The following MAP4K5 variants were observed in gnomAD, a reference collection of about 807,000 sequenced individuals.
MAP4K5 encodes the protein MAPK/ERK kinase kinase kinase 5.
MAP4K5 carries 82 observed loss-of-function variants against 135.6 expected under a neutral mutation model. That is an observed-to-expected ratio of 0.60 (90% CI 0.51 to 0.73). MAP4K5 has a LOEUF of 0.73. Ranked by LOEUF, MAP4K5 falls within the 30% of genes least tolerant of loss-of-function variation. The pLI is 0.00. For missense variants in MAP4K5, 907 were observed against 1,010.9 expected (o/e 0.90, Z 1.39); for synonymous variants, 347 against 335.0 (o/e 1.04, Z -0.39).
rs577309371 is a variant in MAP4K5 at position 50,451,133 on chromosome 14, C to G, written c.1016-2301G>C. On this transcript the variant is annotated intron_variant, in intron 14 of 32. Transcript: ENST00000682126. ...ATATACAGGTATAGTACATATATGA[C>G]TGAAAGTCTAGATCCAAAAAATGCT... Among the ~76,000 whole-genome samples, 12 of 152,096 alleles carry G rather than the reference C, an allele frequency of 7.9e-5. No homozygotes were observed. The East Asian group carries it at 1.4e-3, about 17-fold the overall frequency.
chr14:50,440,546 C>T (rs2036204115), intron 21 of MAP4K5, 105 bp from the exon 22 acceptor site: 1 of 577,816 alleles, frequency 1.7e-6, no homozygotes, highest in Non-Finnish European at 3.1e-6. Flanking sequence ...AGCCACCTAT[C>T]CATCTAAAAT....
chr14:50,549,048 C>T (rs1233205853), intron 1 of MAP4K5, among the ~76,000 whole-genome samples: 1 of 152,170 alleles, frequency 6.6e-6, no homozygotes, highest in African/African-American at 2.4e-5. Flanking sequence ...AAGGGGTGCC[C>T]TGTGTACTAG....
At chr14:50,471,870 A>C (rs1566662839) in intron 9 of MAP4K5, 1 of 152,266 alleles carries the variant, frequency 6.6e-6, no homozygotes, top group Non-Finnish European at 1.5e-5. Context: ...GCTCCATGTG[A>C]AGACATGAAA....
intron 6 of MAP4K5, among the ~76,000 whole-genome samples, chr14:50,478,287 T>G (rs1226407541): frequency 6.6e-6 from 1 of 151,988 alleles, no homozygotes; most frequent in Non-Finnish European, 1.5e-5. Context: ...TTTCTTCTCT[T>G]TTTACTTTTT....
intron 1 of MAP4K5, among the ~76,000 whole-genome samples, chr14:50,560,706 T>A (rs988633715): frequency 2.0e-5 from 3 of 152,104 alleles, no homozygotes; most frequent in African/African-American, 7.2e-5. Flanking sequence ...GTCGGGGATC[T>A]AGAGCAGGCC....
intron 1 of MAP4K5, among the ~76,000 whole-genome samples, chr14:50,548,773 G>A (rs1308411199): frequency 2.0e-5 from 3 of 152,236 alleles, no homozygotes; most frequent in Non-Finnish European, 2.9e-5. Flanking sequence ...GCCTCCCAAA[G>A]TACTGGGATT....
chr14:50,544,483 A>C (rs1252414966), intron 1 of MAP4K5, among the ~76,000 whole-genome samples: 4 of 152,214 alleles, frequency 2.6e-5, no homozygotes, highest in Non-Finnish European at 5.9e-5. Context: ...CACAGGAGGA[A>C]AAGTCTGCTG....
intron 3 of MAP4K5, among the ~76,000 whole-genome samples, chr14:50,495,216 G>A (rs1388560322): frequency 6.6e-6 from 1 of 152,004 alleles, no homozygotes; most frequent in Non-Finnish European, 1.5e-5. Flanking sequence ...GAACTCCTAC[G>A]ACTCACAAGA....
At chr14:50,464,206 T>G in intron 11 of MAP4K5, 73 bp from the exon 12 acceptor site, 1 of 729,392 alleles carries the variant, frequency 1.4e-6, no homozygotes, top group South Asian at 1.7e-5. Context: ...AACATTAACT[T>G]AGGAACAGTT....
chr14:50,492,794 C>T (rs1186755500), intron 3 of MAP4K5, among the ~76,000 whole-genome samples: 1 of 151,984 alleles, frequency 6.6e-6, no homozygotes, highest in African/African-American at 2.4e-5. Flanking sequence ...ATTTCTTAAA[C>T]TAAAAATAAT....
At chr14:50,489,216 C>T (rs1472204492) in intron 3 of MAP4K5, among the ~76,000 whole-genome samples, 2 of 152,138 alleles carry the variant, frequency 1.3e-5, no homozygotes, top group Non-Finnish European at 2.9e-5. Context: ...GGCATGGTGG[C>T]ATGCACCTGT....
chr14:50,422,570 C>T (rs1452218907), intron 32 of MAP4K5, among the ~76,000 whole-genome samples: 2 of 149,592 alleles, frequency 1.3e-5, no homozygotes, highest in Non-Finnish European at 3.0e-5. Flanking sequence ...AGAGTGAGAC[C>T]GTCTTAAAAA....
intron 14 of MAP4K5, 88 bp downstream of exon 14, chr14:50,456,428 C>T: frequency 9.8e-7 from 1 of 1,018,640 alleles, no homozygotes; most frequent in South Asian, 1.4e-5. Context: ...TAGCCTTAGT[C>T]TGAAATTTTA....
At chr14:50,471,886 CAT>C (rs1219317641) in intron 9 of MAP4K5, 2 of 152,216 alleles carry the variant, frequency 1.3e-5, no homozygotes, top group Non-Finnish European at 2.9e-5. Context: ...TGAAAGAACA[CAT>C]AGAGAGAAAT....
At chr14:50,476,651 G>A (rs568204722) in intron 6 of MAP4K5, among the ~76,000 whole-genome samples, 4 of 152,050 alleles carry the variant, frequency 2.6e-5, no homozygotes, top group Non-Finnish European at 5.9e-5. Flanking sequence ...TAGTAGAGAC[G>A]GGGTTTCACC....
chr14:50,476,268 T>C lies in MAP4K5; in HGVS notation c.417A>G (p.Arg139=). Residue 139 remains arginine, a synonymous_variant, in exon 7 of 33, where the codon AGA becomes AGG. Coordinates refer to ENST00000682126, the MANE Select transcript of MAP4K5 (RefSeq NM_006575.6). ...AYLHTKGKMH[R]DIKGANILLT... is the part of the protein sequence containing the mutation. The stretch of plus-strand genomic sequence containing the variant: ...TATTAAATGAACTTACTTTGATATC[T>C]CTATGCATTTTGCCTTTAGTATGCA... 1 of 1,496,472 alleles carries C rather than the reference T, an allele frequency of 6.7e-7. No homozygotes were observed. Among genetic ancestry groups the C allele is most frequent in the Non-Finnish European group, 8.9e-7 (1 of 1,117,376 alleles). The allele number at this position is 1,496,472 out of a possible 1,614,324, so 92.7% of individuals were successfully genotyped here.
At chr14:50,453,388 A>G (rs536546435) in intron 14 of MAP4K5, among the ~76,000 whole-genome samples, 8 of 152,284 alleles carry the variant, frequency 5.3e-5, no homozygotes, top group South Asian at 4.1e-4. Context: ...ACAGACACAA[A>G]TCCAAATGCA....
intron 6 of MAP4K5, 89 bp from the exon 7 acceptor site, chr14:50,476,395 G>A (rs891849020): frequency 2.2e-5 from 13 of 579,132 alleles, no homozygotes; most frequent in Non-Finnish European, 2.9e-5. Context: ...TATTGAATAA[G>A]AAAAACTAGA....
chr14:50,462,028 A>G (rs2036722452), intron 13 of MAP4K5, among the ~76,000 whole-genome samples: 1 of 152,220 alleles, frequency 6.6e-6, no homozygotes, highest in South Asian at 2.1e-4. Flanking sequence ...ATAGTTTTGA[A>G]ATACTGAAAA....
Sources: allele counts gnomAD v4.1 joint callset (sites outside exome capture counted in the v4.1 genomes callset), GRCh38; gene constraint gnomAD v4.1.1; transcripts MANE v1.5; gene names NCBI Gene and HGNC (gene_info 2026-07-23, HGNC 2026-07-21).